Variants in BRD10 observed in about 807,000 individuals in gnomAD.
The protein encoded by BRD10 is bromodomain containing 10.
At chr9:5,949,598 T>G in the BRD10 span, among the ~76,000 whole-genome samples, 4 of 152,202 alleles carry the variant, frequency 2.6e-5, no homozygotes, top group Non-Finnish European at 5.9e-5. Flanking sequence ...AAGCAGCCTT[T>G]AAAATCAATC....
the BRD10 span, chr9:5,968,641 G>T: frequency 6.2e-7 from 1 of 1,613,752 alleles, no homozygotes; most frequent in Non-Finnish European, 8.5e-7. Flanking sequence ...AAGAGGGCAG[G>T]CTATCTCTGC....
the BRD10 span, among the ~76,000 whole-genome samples, chr9:5,982,435 G>A: frequency 1.3e-5 from 2 of 152,126 alleles, no homozygotes; most frequent in East Asian, 1.9e-4. Context: ...TTGAGAGGTG[G>A]GGCCTTCAAG....
At chr9:5,981,548 A>ACTAT in the BRD10 span, among the ~76,000 whole-genome samples, 25 of 152,206 alleles carry the variant, frequency 1.6e-4, no homozygotes, top group Admixed American at 5.2e-4. Flanking sequence ...AGAGACCTGG[A>ACTAT]CTATCTATCT....
chr9:5,956,727 A>C, the BRD10 span, among the ~76,000 whole-genome samples: 36,850 of 152,018 alleles, frequency 0.24, 4,608 homozygotes, highest in South Asian at 0.36. Flanking sequence ...AGTTCTTCTT[A>C]TGCATGTCCT....
At chr9:5,914,860 T>C in the BRD10 span, among the ~76,000 whole-genome samples, 2 of 152,162 alleles carry the variant, frequency 1.3e-5, no homozygotes, top group African/African-American at 4.8e-5. Context: ...TTGAATTTTG[T>C]ACGATCATGG....
chr9:5,923,279 G>C, the BRD10 span: 1 of 1,609,204 alleles, frequency 6.2e-7, no homozygotes, highest in Non-Finnish European at 8.5e-7. Context: ...TCTAGCCATA[G>C]GAAAATCTAT....
chr9:5,897,017 C>T, the BRD10 span, among the ~76,000 whole-genome samples: 2 of 152,192 alleles, frequency 1.3e-5, no homozygotes, highest in African/African-American at 4.8e-5. Flanking sequence ...TGATCACCAG[C>T]GAGTCATGTA....
At chr9:5,940,976 T>C in the BRD10 span, among the ~76,000 whole-genome samples, 3 of 152,162 alleles carry the variant, frequency 2.0e-5, no homozygotes, top group African/African-American at 7.2e-5. Context: ...ATAAATAACA[T>C]AGTTATTGCA....
the BRD10 span, among the ~76,000 whole-genome samples, chr9:5,937,363 C>CA: frequency 6.6e-6 from 1 of 151,340 alleles, no homozygotes; most frequent in African/African-American, 2.4e-5. Context: ...ATGGTGAAAC[C>CA]ATCTCTACTA....
the BRD10 span, among the ~76,000 whole-genome samples, chr9:5,958,159 G>GT: frequency 6.6e-6 from 1 of 152,070 alleles, no homozygotes; most frequent in Non-Finnish European, 1.5e-5. Context: ...AGTAATTAAT[G>GT]TTACAAAAGT....
chr9:5,984,005 A>ACACC, the BRD10 span, among the ~76,000 whole-genome samples: 31 of 145,196 alleles, frequency 2.1e-4, no homozygotes, highest in South Asian at 4.3e-4. Flanking sequence ...ACACACACAC[A>ACACC]CCCCTCTCCA....
the BRD10 span, among the ~76,000 whole-genome samples, chr9:5,913,528 T>C: frequency 1.3e-5 from 2 of 152,038 alleles, no homozygotes; most frequent in Non-Finnish European, 2.9e-5. Flanking sequence ...TGAAATGGAA[T>C]AAAAAGTGTG....
At chr9:5,980,791 C>T in the BRD10 span, among the ~76,000 whole-genome samples, 1 of 152,096 alleles carries the variant, frequency 6.6e-6, no homozygotes, top group Non-Finnish European at 1.5e-5. Context: ...TAAAGTATTA[C>T]CATATTAAAA....
At chr9:5,947,043 T>C in the BRD10 span, among the ~76,000 whole-genome samples, 1 of 152,184 alleles carries the variant, frequency 6.6e-6, no homozygotes, top group East Asian at 1.9e-4. Flanking sequence ...TAATTATCAA[T>C]TAGTTATGAA....
chr9:6,004,348 C>A, the BRD10 span, among the ~76,000 whole-genome samples: 1 of 152,164 alleles, frequency 6.6e-6, no homozygotes, highest in East Asian at 1.9e-4. Context: ...GACATGAATG[C>A]CTAATTCTAG....
At chr9:5,966,082 T>C in the BRD10 span, among the ~76,000 whole-genome samples, 1 of 152,214 alleles carries the variant, frequency 6.6e-6, no homozygotes, top group Non-Finnish European at 1.5e-5. Flanking sequence ...AGATCTGACT[T>C]CCTAAAATTT....
chr9:5,937,310 G>T, the BRD10 span, among the ~76,000 whole-genome samples: 1 of 152,094 alleles, frequency 6.6e-6, no homozygotes, highest in Non-Finnish European at 1.5e-5. Context: ...GCCGAGGCGG[G>T]TGGATCACCT....
the BRD10 span, among the ~76,000 whole-genome samples, chr9:5,999,718 C>A: frequency 6.6e-6 from 1 of 152,102 alleles, no homozygotes. Context: ...GCTCTTTTTG[C>A]CTTTGCACTT....
At chr9:5,922,229 G>T in the BRD10 span, 1 of 1,613,960 alleles carries the variant, frequency 6.2e-7, no homozygotes, top group East Asian at 2.2e-5. Flanking sequence ...AGTCTGTTGT[G>T]CAAAACAGTT....
Sources: allele counts gnomAD v4.1 joint callset (sites outside exome capture counted in the v4.1 genomes callset), GRCh38; gene constraint gnomAD v4.1.1; transcripts MANE v1.5; gene names NCBI Gene and HGNC (gene_info 2026-07-23, HGNC 2026-07-21).